ILDR2: variants seen among roughly 807,000 people sequenced by gnomAD.
ILDR2 encodes the protein immunoglobulin like domain containing receptor 2, also known as immunoglobulin-like domain-containing receptor 2.
In ILDR2, 25 loss-of-function variants were observed where a neutral mutation model predicts 66.8. The observed-to-expected ratio is 0.37, with a 90% CI of 0.27 to 0.52. The LOEUF (loss-of-function observed/expected upper bound fraction) is 0.52, where lower values mean the gene tolerates loss of function less well. Ranked by LOEUF, ILDR2 falls within the 20% of genes least tolerant of loss-of-function variation. The pLI is 0.88. For synonymous variants in ILDR2, 367 were observed against 357.2 expected (o/e 1.03, Z -0.31); for missense variants, 827 against 876.8 (o/e 0.94, Z 0.72).
chr1:166,950,127 A>G (rs1227302165), intron 3 of ILDR2, among the ~76,000 whole-genome samples: 1 of 152,268 alleles, frequency 6.6e-6, no homozygotes, highest in African/African-American at 2.4e-5. Flanking sequence ...CCAAAGAAGT[A>G]GCCTCCAAAT....
At chr1:166,922,017 TC>T (rs1421249049) in intron 8 of ILDR2, among the ~76,000 whole-genome samples, 1 of 152,210 alleles carries the variant, frequency 6.6e-6, no homozygotes, top group Non-Finnish European at 1.5e-5. Context: ...GTTTCCATTT[TC>T]CCAGCTTAAA....
downstream of ILDR2, chr1:166,907,173 T>A (rs951756390): frequency 1.3e-5 from 2 of 152,222 alleles, no homozygotes; most frequent in Admixed American, 1.3e-4. Context: ...TCCATTTAGT[T>A]CTGAACTTCC....
At chr1:166,955,144 A>G (rs1662200012) in intron 3 of ILDR2, among the ~76,000 whole-genome samples, 1 of 152,184 alleles carries the variant, frequency 6.6e-6, no homozygotes, top group Admixed American at 6.5e-5. Flanking sequence ...GTTCTTTACA[A>G]TGTCAATATA....
In ILDR2 at chr1:166,909,770, AATATATATATTTATATATATATATAT is replaced by A. The variant is rs1659430915; in HGVS notation, c.*9559_*9584del. On this transcript the variant is annotated 3_prime_UTR_variant, in exon 10 of 10. Transcript: ENST00000271417. The stretch of plus-strand genomic sequence containing the variant: ...ATATATATATATATAAATATATATA[AATATATATATTTATATATATATATAT>A]ATATATATATCCTTCTAGCTTTGCT... The A allele has an allele frequency of 6.0e-5, 4 of 66,240 alleles. No homozygotes were observed. The highest frequency in any genetic ancestry group is 1.0e-4 in the Non-Finnish European group (4 of 38,180). The allele number at this position is 66,240 out of a possible 1,614,324, so 4.1% of individuals were successfully genotyped here.
At position 166,910,619 on chromosome 1, in the gene ILDR2, A is replaced by T. The variant is rs971131015; in HGVS notation, c.*8736T>A. On this transcript the variant is annotated 3_prime_UTR_variant, in exon 10 of 10. Transcript: ENST00000271417. The stretch of plus-strand genomic sequence containing the variant: ...TAAGCAACTTCCTAGCTACTTCTAC[A>T]CCTCATGCCATTTTTGGTGAGTCAT... 5 of 152,160 alleles carry T rather than the reference A, an allele frequency of 3.3e-5. No individual in the cohort carries two copies. The highest frequency in any genetic ancestry group is 4.4e-5 in the Non-Finnish European group (3 of 68,032). The allele number at this position is 152,160 out of a possible 1,614,324, so 9.4% of individuals were successfully genotyped here. A position where few individuals can be genotyped will look rare whatever the true frequency, so the allele number is the denominator to read the frequency against.
At chr1:166,959,141 T>G (rs1438348271) in intron 1 of ILDR2, among the ~76,000 whole-genome samples, 1 of 152,250 alleles carries the variant, frequency 6.6e-6, no homozygotes, top group Non-Finnish European at 1.5e-5. Context: ...CTCACTTCTT[T>G]GCTTGGGCAA....
Position 166,922,787 on chromosome 1 carries a change from G to A in ILDR2, c.1017C>T (p.Leu339=), listed in dbSNP as rs761291989. Residue 339 remains leucine (L), a synonymous_variant, in exon 8 of 10, where the codon CTC becomes CTT. Transcript: ENST00000271417. Reference sequence around the variant, plus strand: ...TGCTGTCCTCCTCATGTAGGGAGCTGAGTTCTGAGATGGTGTTGTTATCTG... The same window carrying A: ...TGCTGTCCTCCTCATGTAGGGAGCTAAGTTCTGAGATGGTGTTGTTATCTG... The part of the protein sequence containing the change: ...RGRYNNTISE[L]SSLHEEDSNF... 4 of 1,614,064 alleles carry A rather than the reference G, an allele frequency of 2.5e-6. No homozygotes were observed. Among genetic ancestry groups the A allele is most frequent in the African/African-American group, 2.7e-5 (2 of 74,932 alleles).
chr1:166,904,132 G>C (rs1461124424), downstream of ILDR2, among the ~76,000 whole-genome samples: 2 of 152,154 alleles, frequency 1.3e-5, no homozygotes, highest in African/African-American at 4.8e-5. Flanking sequence ...GACATAATTA[G>C]TGCCCAACAA....
chr1:166,901,641 T>C (rs4657613), intron 2 of ILDR2, among the ~76,000 whole-genome samples: 27,832 of 152,156 alleles, frequency 0.18, 3,228 homozygotes, highest in East Asian at 0.57. Flanking sequence ...GGGAGACAGT[T>C]TTAGAATCTT....
At position 166,918,162 on chromosome 1, in the gene ILDR2, G is replaced by C. The variant is rs568347905; in HGVS notation, c.*1193C>G. ...GGCAAAATCTATCATTTAGGCAAGGGTGGGAATAGGAAGTACTCCTTCCTG... is the reference window on the plus strand; with the variant it reads ...GGCAAAATCTATCATTTAGGCAAGGCTGGGAATAGGAAGTACTCCTTCCTG... On this transcript the variant is annotated 3_prime_UTR_variant, in exon 10 of 10. Transcript: ENST00000271417. 5.4e-4 allele frequency: 83 copies of C among 152,298 alleles called. No homozygotes were observed. The highest frequency in any genetic ancestry group is 2.0e-3 in the African/African-American group (82 of 41,564). 9.4% of individuals were successfully genotyped at this position (152,298 alleles called of 1,614,324 possible). A position where few individuals can be genotyped will look rare whatever the true frequency, so the allele number is the denominator to read the frequency against.
At chr1:166,958,549 T>G (rs1179024805) in intron 1 of ILDR2, among the ~76,000 whole-genome samples, 2 of 152,182 alleles carry the variant, frequency 1.3e-5, no homozygotes, top group African/African-American at 4.8e-5. Context: ...ATGCCTCCTG[T>G]TAAACCTGTG....
In ILDR2 at chr1:166,909,781, TTATATATATATA is replaced by T. The variant is rs59835931; in HGVS notation, c.*9562_*9573del. 1 of 64,246 alleles carries T rather than the reference TTATATATATATA, an allele frequency of 1.6e-5. No homozygotes were observed. Among genetic ancestry groups the T allele is most frequent in the East Asian group, 5.0e-4 (1 of 2,004 alleles). 4.0% of individuals were successfully genotyped at this position (64,246 alleles called of 1,614,324 possible). ...TATAAATATATATAAATATATATATTTATATATATATATATATATATATATCCTTCTAGCTTT... is the reference window on the plus strand; with the variant it reads ...TATAAATATATATAAATATATATATTTATATATATATATCCTTCTAGCTTT... On this transcript the variant is annotated 3_prime_UTR_variant, in exon 10 of 10. Coordinates refer to ENST00000271417, the MANE Select transcript of ILDR2 (RefSeq NM_199351.3).
At chr1:166,964,808 A>G (rs770741014) in intron 1 of ILDR2, among the ~76,000 whole-genome samples, 4 of 152,226 alleles carry the variant, frequency 2.6e-5, no homozygotes, top group Non-Finnish European at 5.9e-5. Context: ...AAAGAAAAAG[A>G]TTCTATATAT....
downstream of ILDR2, among the ~76,000 whole-genome samples, chr1:166,907,516 C>G (rs1557920318): frequency 6.6e-6 from 1 of 152,116 alleles, no homozygotes; most frequent in East Asian, 1.9e-4. Context: ...GGGAACATCT[C>G]TTAATAAATG....
chr1:166,936,545 A>T lies in ILDR2; in HGVS notation c.703+46T>A, dbSNP rs1660991904. On this transcript the variant is annotated intron_variant, in intron 5 of 9. Coordinates refer to ENST00000271417, the MANE Select transcript of ILDR2 (RefSeq NM_199351.3). The surrounding 1 kb of genome is among the most constrained non-coding windows in gnomAD (Gnocchi z 5.0). ...ACACAGCTGTCAGGTAGAGAGGTAGACATTTCTCTCGATCGCTCTGTCTCC... is the reference window on the plus strand; with the variant it reads ...ACACAGCTGTCAGGTAGAGAGGTAGTCATTTCTCTCGATCGCTCTGTCTCC... 6.2e-7 allele frequency: 1 copy of T among 1,613,136 alleles called. No individual in the cohort carries two copies. Among genetic ancestry groups the T allele is most frequent in the African/African-American group, 1.3e-5 (1 of 75,014 alleles).
rs148176674 is a variant in ILDR2 at position 166,927,146 on chromosome 1, CTCTT to C, written c.911_914del (p.Lys304ArgfsTer5). On this transcript the variant is annotated frameshift_variant, in exon 7 of 10. Transcript: ENST00000271417. LOFTEE classifies it high-confidence loss of function. ...AGTACAGGACCTTCATGGAGTCTCT[CTCTT>C]TGTCAGCCTGGATCCGGTAACCTTT... 4 of 1,613,860 alleles carry C rather than the reference CTCTT, an allele frequency of 2.5e-6. No individual in the cohort carries two copies. Among genetic ancestry groups the C allele is most frequent in the East Asian group, 2.2e-5 (1 of 44,848 alleles).
chr1:166,911,394 T>G lies in ILDR2; in HGVS notation c.*7961A>C, dbSNP rs143536762. ...CTTCCCCAGGGTTGCTGTGTATATA[T>G]AGAGTCATTATGGAGAAATGTAAGG... On this transcript the variant is annotated 3_prime_UTR_variant, in exon 10 of 10. Transcript: ENST00000271417. The G allele has an allele frequency of 1.3e-5, 2 of 152,314 alleles. No individual in the cohort carries two copies. Among genetic ancestry groups the G allele is most frequent in the African/African-American group, 4.8e-5 (2 of 41,568 alleles). The allele number at this position is 152,314 out of a possible 1,614,324, so 9.4% of individuals were successfully genotyped here. A position where few individuals can be genotyped will look rare whatever the true frequency, so the allele number is the denominator to read the frequency against.
intron 3 of ILDR2, among the ~76,000 whole-genome samples, chr1:166,942,463 A>G (rs1216129499): frequency 6.6e-6 from 1 of 152,158 alleles, no homozygotes; most frequent in Non-Finnish European, 1.5e-5. Flanking sequence ...CTATTTTTCA[A>G]TATTTTCCAG....
chr1:166,961,685 G>A (rs143480196), intron 1 of ILDR2, among the ~76,000 whole-genome samples: 41 of 152,286 alleles, frequency 2.7e-4, no homozygotes, highest in African/African-American at 8.9e-4. Flanking sequence ...GGTATACAGT[G>A]AGCATTCAAT....
Sources: allele counts gnomAD v4.1 joint callset (sites outside exome capture counted in the v4.1 genomes callset), GRCh38; gene constraint gnomAD v4.1.1; non-coding constraint Gnocchi (gnomAD v3.1); transcripts MANE v1.5; gene names NCBI Gene and HGNC (gene_info 2026-07-23, HGNC 2026-07-21).